SI: variants seen among roughly 807,000 people sequenced by gnomAD.
The protein encoded by SI is sucrase-isomaltase, intestinal.
Under a neutral mutation model 253.3 loss-of-function variants are expected in SI, and 235 were observed. The observed-to-expected ratio is 0.93, with a 90% CI of 0.83 to 1.03. SI has a LOEUF of 1.03. Among genes scored for constraint, SI ranks in the 50% least tolerant of loss-of-function variants. The pLI, the probability that SI is intolerant of heterozygous loss-of-function variation, is 0.00. For missense variants in SI, 2,442 were observed against 2,211.1 expected, an observed-to-expected ratio of 1.10 and a Z score of -2.09; for synonymous variants, 819 against 712.0, an observed-to-expected ratio of 1.15 and a Z score of -2.39.
At chr3:165,078,925 A>T (rs1264742323), upstream of SI, among the ~76,000 whole-genome samples, 1 of 151,554 alleles carries the variant, frequency 6.6e-6, no homozygotes, top group East Asian at 1.9e-4. Context: ...AAAAGTAATG[A>T]TTAAATAAAA....
chr3:165,013,177 C>G, intron 33 of SI, 135 bp from the exon 34 acceptor site: 2 of 728,930 alleles, frequency 2.7e-6, no homozygotes, highest in South Asian at 1.4e-5. Flanking sequence ...CCCTTCAAAT[C>G]TCATTATTAT....
chr3:165,047,252 C>A (rs975054974), intron 15 of SI, among the ~76,000 whole-genome samples: 1 of 151,934 alleles, frequency 6.6e-6, no homozygotes, highest in African/African-American at 2.4e-5. Context: ...TAATGAGTCT[C>A]ATGAGATCTG....
intron 38 of SI, among the ~76,000 whole-genome samples, chr3:164,998,122 TTTAA>T (rs968361083): frequency 4.0e-5 from 6 of 151,864 alleles, no homozygotes; most frequent in Non-Finnish European, 7.4e-5. Flanking sequence ...TTCACAATAG[TTTAA>T]TTAATTTACA....
chr3:164,991,452 T>C lies in SI; in HGVS notation c.5009A>G (p.Gln1670Arg), dbSNP rs1278902416. ...HTGKDIGVRG[Q>R]FQTFNASYDT... ...ATAAGAAGCATTAAATGTTTGAAAT[T>C]GTCCTCTGACGCCAATATCTTTGCC... Residue 1670 changes from glutamine (Q) to arginine (R), a missense_variant, in exon 44 of 48, where the codon CAA becomes CGA. Physicochemically the swap from Gln to Arg is conservative, Grantham distance 43. Coordinates refer to ENST00000264382, the MANE Select transcript of SI (RefSeq NM_001041.4). 1 of 1,613,638 alleles carries C rather than the reference T, an allele frequency of 6.2e-7. No homozygotes were observed. Among genetic ancestry groups the C allele is most frequent in the East Asian group, 2.2e-5 (1 of 44,816 alleles).
At chr3:165,040,071 G>T in intron 18 of SI, 100 bp from the exon 19 acceptor site, 1 of 912,672 alleles carries the variant, frequency 1.1e-6, no homozygotes, top group South Asian at 1.3e-5. Context: ...GGGAATTGTT[G>T]TTATCTTGAA....
chr3:164,989,389 G>A (rs9290248), intron 44 of SI, among the ~76,000 whole-genome samples: 16,887 of 58,754 alleles, frequency 0.29, 2,098 homozygotes, highest in Non-Finnish European at 0.31. Flanking sequence ...AGAAAGAAAG[G>A]AAGAAAGAAA....
chr3:165,082,880 G>A (rs115334151), upstream of SI, among the ~76,000 whole-genome samples: 3,209 of 152,012 alleles, frequency 0.021, 79 homozygotes, highest in Non-Finnish European at 0.028. Flanking sequence ...AGTTGGAAGA[G>A]GCTTATTATA....
At chr3:165,010,945 G>A (rs1049097534) in intron 34 of SI, among the ~76,000 whole-genome samples, 13 of 152,106 alleles carry the variant, frequency 8.5e-5, no homozygotes, top group African/African-American at 2.9e-4. Flanking sequence ...AGTTCAGTAG[G>A]TTCAATTATC....
Position 165,036,353 on chromosome 3 carries a change from G to C in SI, c.2515+36C>G, listed in dbSNP as rs377619597. 2.2e-4 allele frequency: 307 copies of C among 1,398,450 alleles called. 1 individual carries two copies. The highest frequency in any genetic ancestry group is 3.0e-4 in the Non-Finnish European group (292 of 984,320). The allele number at this position is 1,398,450 out of a possible 1,614,324, so 86.6% of individuals were successfully genotyped here. A position where few individuals can be genotyped will look rare whatever the true frequency, so the allele number is the denominator to read the frequency against. ...ATAAAGCCAAAACTTCCCATTATCAGAGTGAACATTTAAAGCGTATTACTT... is the reference window on the plus strand; with the variant it reads ...ATAAAGCCAAAACTTCCCATTATCACAGTGAACATTTAAAGCGTATTACTT... On this transcript the variant is annotated intron_variant, in intron 22 of 47. Transcript: ENST00000264382.
chr3:164,992,606 A>C (rs1717809701), intron 41 of SI, among the ~76,000 whole-genome samples: 1 of 151,952 alleles, frequency 6.6e-6, no homozygotes, highest in Non-Finnish European at 1.5e-5. Context: ...CTAGACTATG[A>C]CTAAATTTCC....
At chr3:165,085,628 G>T in the SI span, among the ~76,000 whole-genome samples, 1 of 152,048 alleles carries the variant, frequency 6.6e-6, no homozygotes, top group Non-Finnish European at 1.5e-5. Flanking sequence ...CTGTATTAGG[G>T]AGAATAAATG....
At chr3:165,074,061 A>C (rs1363036376) in intron 3 of SI, among the ~76,000 whole-genome samples, 1 of 152,074 alleles carries the variant, frequency 6.6e-6, no homozygotes, top group Non-Finnish European at 1.5e-5. Context: ...GGTTACACCT[A>C]ATTTTCTCCA....
rs866448230 is a variant in SI at position 165,011,088 on chromosome 3, T to A, written c.4063-1693A>T. On this transcript the variant is annotated intron_variant, in intron 34 of 47. Transcript: ENST00000264382. ...GATCACCAACTCTTAGTTTTGTTGATATTTTCTATTTATTTTGTGTTTTTC... is the reference window on the plus strand; with the variant it reads ...GATCACCAACTCTTAGTTTTGTTGAAATTTTCTATTTATTTTGTGTTTTTC... 2.0e-5 allele frequency among the ~76,000 whole-genome samples: 3 copies of A among 152,196 alleles called. No individual in the cohort carries two copies. The South Asian group carries it at 6.2e-4, about 31-fold the overall frequency.
chr3:165,028,022 GT>G lies in SI; in HGVS notation c.2892+2689del, dbSNP rs371230715. Among the ~76,000 whole-genome samples the G allele has an allele frequency of 5.9e-4, 90 of 151,348 alleles. 1 individual carries two copies. Among genetic ancestry groups the G allele is most frequent in the Middle Eastern group, 3.4e-3 (1 of 294 alleles). ...GTCGCTCTTTGCTGATGATATGATT[GT>G]TTACTTAGAAAACCCTAAAGACTCC... On this transcript the variant is annotated intron_variant, in intron 25 of 47. Coordinates refer to ENST00000264382, the MANE Select transcript of SI (RefSeq NM_001041.4).
intron 25 of SI, among the ~76,000 whole-genome samples, chr3:165,027,093 G>A (rs1437287024): frequency 1.3e-5 from 2 of 151,220 alleles, no homozygotes; most frequent in Non-Finnish European, 3.0e-5. Context: ...AAGAAAAGGA[G>A]AAAGTCCAAA....
chr3:165,045,069 C>A (rs1713035767), intron 16 of SI, among the ~76,000 whole-genome samples: 1 of 151,986 alleles, frequency 6.6e-6, no homozygotes, highest in African/African-American at 2.4e-5. Context: ...CTGTGTTAAT[C>A]TATTTGTATA....
At chr3:164,984,917 A>G (rs928049405) in intron 45 of SI, among the ~76,000 whole-genome samples, 4 of 152,162 alleles carry the variant, frequency 2.6e-5, no homozygotes, top group African/African-American at 7.2e-5. Context: ...AGCATTTGCT[A>G]TATATGGTTT....
At chr3:165,067,191 A>C (rs1714288300) in intron 6 of SI, 149 bp downstream of exon 6, 1 of 586,486 alleles carries the variant, frequency 1.7e-6, no homozygotes, top group Non-Finnish European at 2.9e-6. Context: ...CAAGAAACCA[A>C]ACTCCTTTAT....
intron 41 of SI, among the ~76,000 whole-genome samples, chr3:164,993,077 T>C (rs1305544208): frequency 6.6e-6 from 1 of 151,800 alleles, no homozygotes; most frequent in Non-Finnish European, 1.5e-5. Flanking sequence ...TATTAAAAGC[T>C]GAGATTAATG....
Sources: gnomAD v4.1 joint callset for allele counts (sites outside exome capture counted in the v4.1 genomes callset) on GRCh38, gnomAD v4.1.1 for gene constraint, MANE v1.5 for transcripts, NCBI Gene and HGNC (gene_info 2026-07-23, HGNC 2026-07-21) for gene names.